The following PBX3 variants were observed in gnomAD, a reference collection of about 807,000 sequenced individuals.
PBX3 encodes the protein PBX homeobox 3.
Under a neutral mutation model 48.5 loss-of-function variants are expected in PBX3, and 14 were observed. That is an observed-to-expected ratio of 0.29 (90% CI 0.19 to 0.45). The LOEUF is 0.45. PBX3 is among the 20% of genes least tolerant of loss of function. The pLI, the probability that PBX3 is intolerant of heterozygous loss-of-function variation, is 1.00. For missense variants in PBX3, 386 were observed against 546.7 expected, an observed-to-expected ratio of 0.71 and a Z score of 2.93; for synonymous variants, 210 against 200.3, an observed-to-expected ratio of 1.05 and a Z score of -0.41.
At chr9:125,795,845 T>C (rs1288538969) in intron 2 of PBX3, among the ~76,000 whole-genome samples, 2 of 152,166 alleles carry the variant, frequency 1.3e-5, no homozygotes, top group Non-Finnish European at 1.5e-5. Context: ...GTGGTGTCCT[T>C]TTTAAGAGTT....
intron 2 of PBX3, among the ~76,000 whole-genome samples, chr9:125,866,769 A>G (rs1839992244): frequency 2.6e-5 from 4 of 152,220 alleles, no homozygotes; most frequent in Admixed American, 2.6e-4. Context: ...TGCTTAAAAA[A>G]TTTCAAAAAT....
intron 2 of PBX3, among the ~76,000 whole-genome samples, chr9:125,849,682 C>T (rs959081391): frequency 2.0e-5 from 3 of 151,790 alleles, no homozygotes; most frequent in African/African-American, 7.3e-5. Context: ...CATGATGAGT[C>T]TTAGATTTGA....
intron 2 of PBX3, among the ~76,000 whole-genome samples, chr9:125,780,047 G>T (rs1193242802): frequency 3.7e-5 from 5 of 136,618 alleles, no homozygotes; most frequent in Admixed American, 2.9e-4. Context: ...GGACGGGGCG[G>T]CTGGCCGGGC....
At chr9:125,918,736 C>T (rs538329471) in intron 3 of PBX3, among the ~76,000 whole-genome samples, 2 of 152,262 alleles carry the variant, frequency 1.3e-5, no homozygotes, top group East Asian at 3.9e-4. Flanking sequence ...TGTAGCAGCA[C>T]TTAATTCTTT....
At chr9:125,790,139 T>C (rs1335915357) in intron 2 of PBX3, among the ~76,000 whole-genome samples, 1 of 152,244 alleles carries the variant, frequency 6.6e-6, no homozygotes. Context: ...ATGATACTTC[T>C]ACTCTTGATA....
intron 6 of PBX3, among the ~76,000 whole-genome samples, chr9:125,961,233 G>A (rs1269657167): frequency 1.3e-5 from 2 of 152,256 alleles, no homozygotes; most frequent in South Asian, 2.1e-4. Flanking sequence ...CTGTGTGTGA[G>A]GAAGCTGGAA....
At chr9:125,930,970 A>G (rs1250301011) in intron 4 of PBX3, among the ~76,000 whole-genome samples, 1 of 152,216 alleles carries the variant, frequency 6.6e-6, no homozygotes. Flanking sequence ...TGTTGTGAAG[A>G]TTTTATTATT....
chr9:125,804,077 T>C (rs73667066), intron 2 of PBX3, among the ~76,000 whole-genome samples: 5,923 of 152,302 alleles, frequency 0.039, 407 homozygotes, highest in African/African-American at 0.13. Flanking sequence ...TTTGCTGTCA[T>C]GAGTTTTCAT....
intron 2 of PBX3, among the ~76,000 whole-genome samples, chr9:125,880,925 AAC>A (rs1474717112): frequency 2.0e-5 from 3 of 152,242 alleles, no homozygotes; most frequent in Non-Finnish European, 4.4e-5. Flanking sequence ...GTTTTTTAAA[AAC>A]AGAGTTATGC....
At chr9:125,852,024 G>A (rs1839597301) in intron 2 of PBX3, among the ~76,000 whole-genome samples, 1 of 151,976 alleles carries the variant, frequency 6.6e-6, no homozygotes, top group Admixed American at 6.6e-5. Flanking sequence ...GTTTGGAGAA[G>A]ATGATAACCT....
In PBX3 at chr9:125,915,913, G is replaced by C. The variant is rs1342125938; in HGVS notation, c.502G>C (p.Glu168Gln). ...CAGACAAATCTATCACACAGAACTG[G>C]AGAAATATGAACAGGTCAGCAGCCG... ...QIRQIYHTEL[E>Q]KYEQACNEFT... Residue 168 changes from glutamate to glutamine, a missense_variant, in exon 3 of 9, where the codon GAG (glutamate) becomes CAG (glutamine). Transcript: ENST00000373489. 6.2e-7 allele frequency: 1 copy of C among 1,613,344 alleles called. No individual in the cohort carries two copies. The highest frequency in any genetic ancestry group is 1.3e-5 in the African/African-American group (1 of 74,890).
intron 2 of PBX3, among the ~76,000 whole-genome samples, chr9:125,766,262 C>G (rs1011559830): frequency 6.6e-6 from 1 of 151,962 alleles, no homozygotes; most frequent in Non-Finnish European, 1.5e-5. Flanking sequence ...ATTTTAATTA[C>G]AGTAACTATA....
chr9:125,806,822 A>C (rs572692386), intron 2 of PBX3, among the ~76,000 whole-genome samples: 1 of 152,354 alleles, frequency 6.6e-6, no homozygotes, highest in East Asian at 1.9e-4. Context: ...ATAGTTGGAC[A>C]CAGAGATTTG....
chr9:125,783,710 A>T (rs962122979), intron 2 of PBX3, among the ~76,000 whole-genome samples: 1 of 151,850 alleles, frequency 6.6e-6, no homozygotes, highest in African/African-American at 2.4e-5. Flanking sequence ...TTCACAACTT[A>T]TTTTGGGCCG....
At chr9:125,820,810 T>C (rs1838628400) in intron 2 of PBX3, among the ~76,000 whole-genome samples, 1 of 152,244 alleles carries the variant, frequency 6.6e-6, no homozygotes, top group South Asian at 2.1e-4. Context: ...TGATTCTCAC[T>C]TATTTTCTAT....
In PBX3 at chr9:125,929,716, C is replaced by T; in HGVS notation, c.578C>T (p.Pro193Leu). Residue 193 changes from proline to leucine, a missense_variant, in exon 4 of 9, where the codon CCC becomes CTC. Physicochemically the swap from Pro to Leu is moderately conservative, Grantham distance 98. Coordinates refer to ENST00000373489, the MANE Select transcript of PBX3 (RefSeq NM_006195.6). ...CTCCGAGAACAGAGTAGAACACGTCCCATTTCTCCAAAAGAGATTGAAAGA... is the reference window on the plus strand; with the variant it reads ...CTCCGAGAACAGAGTAGAACACGTCTCATTTCTCCAAAAGAGATTGAAAGA... Reference protein sequence around the residue: ...NLLREQSRTRPISPKEIERMV... With the variant: ...NLLREQSRTRLISPKEIERMV... 1 of 1,613,642 alleles carries T rather than the reference C, an allele frequency of 6.2e-7. No individual in the cohort carries two copies. Among genetic ancestry groups the T allele is most frequent in the Non-Finnish European group, 8.5e-7 (1 of 1,179,758 alleles).
chr9:125,950,333 T>TA (rs1292864000), intron 5 of PBX3, among the ~76,000 whole-genome samples: 7 of 152,174 alleles, frequency 4.6e-5, no homozygotes, highest in Non-Finnish European at 8.8e-5. Flanking sequence ...CAGCCTCAGA[T>TA]AAAAAAATAC....
chr9:125,883,357 A>G (rs1840424840), intron 2 of PBX3, among the ~76,000 whole-genome samples: 1 of 152,238 alleles, frequency 6.6e-6, no homozygotes, highest in African/African-American at 2.4e-5. Flanking sequence ...AATACCAGAT[A>G]CTGTCATGAA....
chr9:125,925,353 C>T (rs1841550619), intron 3 of PBX3, among the ~76,000 whole-genome samples: 1 of 152,170 alleles, frequency 6.6e-6, no homozygotes, highest in Admixed American at 6.5e-5. Flanking sequence ...CTAGTCTGAA[C>T]TGAGATGTGC....
Sources: gnomAD v4.1 joint callset for allele counts (sites outside exome capture counted in the v4.1 genomes callset) on GRCh38, gnomAD v4.1.1 for gene constraint, MANE v1.5 for transcripts, NCBI Gene and HGNC (gene_info 2026-07-23, HGNC 2026-07-21) for gene names.